NDST1: variants seen among roughly 807,000 people sequenced by gnomAD.
NDST1 encodes bifunctional heparan sulfate N-deacetylase/N-sulfotransferase 1.
NDST1 carries 35 observed loss-of-function variants against 92.8 expected under a neutral mutation model. The ratio of observed to expected loss-of-function variants is 0.38; its 90% confidence interval spans 0.29 to 0.50. The LOEUF is 0.50. Ranked by LOEUF, NDST1 falls within the 20% of genes least tolerant of loss-of-function variation. The pLI is 0.94. For missense variants in NDST1, 822 were observed against 1,182.7 expected (o/e 0.69, Z 4.47); for synonymous variants, 493 against 500.3 (o/e 0.99, Z 0.19).
intron 1 of NDST1, among the ~76,000 whole-genome samples, chr5:150,516,194 G>A (rs1337890505): frequency 2.0e-5 from 3 of 152,322 alleles, no homozygotes; most frequent in Non-Finnish European, 2.9e-5. Context: ...ATAAGTGTGT[G>A]TGGTGCCTGC....
chr5:150,542,980 G>A lies in NDST1; in HGVS notation c.1970+9G>A. The A allele has an allele frequency of 6.2e-7, 1 of 1,613,878 alleles. No individual in the cohort carries two copies. The highest frequency in any genetic ancestry group is 8.5e-7 in the Non-Finnish European group (1 of 1,179,800). ...CACAAAGGCATCGACTGGTGAGTTG[G>A]CCTTTCTGTCCACAGCGGGACGGGA... is the stretch of plus-strand genomic sequence containing the variant. On this transcript the variant is annotated intron_variant, in intron 10 of 14. Transcript: ENST00000261797.
At chr5:150,519,717 C>T (rs771153978) in intron 1 of NDST1, among the ~76,000 whole-genome samples, 12 of 151,968 alleles carry the variant, frequency 7.9e-5, no homozygotes, top group Non-Finnish European at 1.2e-4. Context: ...AAGAAAGTTG[C>T]TCCTTGGGTT....
intron 9 of NDST1, 61 bp from the exon 10 acceptor site, chr5:150,542,787 C>T: frequency 6.2e-7 from 1 of 1,612,700 alleles, no homozygotes; most frequent in Non-Finnish European, 8.5e-7. Context: ...GCCCAGAACC[C>T]AGACTCTATC....
chr5:150,545,762 G>A (rs567806265), intron 11 of NDST1, among the ~76,000 whole-genome samples: 4 of 152,314 alleles, frequency 2.6e-5, no homozygotes, highest in East Asian at 1.9e-4. Context: ...GGCTGGTTAC[G>A]CCTAGAGGAA....
intron 1 of NDST1, among the ~76,000 whole-genome samples, chr5:150,500,966 A>G (rs568014816): frequency 2.6e-5 from 4 of 152,192 alleles, no homozygotes; most frequent in Non-Finnish European, 4.4e-5. Flanking sequence ...TGGGACAATC[A>G]TCTGATTGTC....
chr5:150,535,795 G>T lies in NDST1; in HGVS notation c.1347G>T (p.Gln449His). ...TGCAGCTGTACGAGGCTTGGAAGCAGGTGTGGAGCATCCGCGTGACCAGCA... is the reference window on the plus strand; with the variant it reads ...TGCAGCTGTACGAGGCTTGGAAGCATGTGTGGAGCATCCGCGTGACCAGCA... ...VHVQLYEAWK[Q>H]VWSIRVTSTE... The change falls in exon 6 of 15, where the codon CAG becomes CAT. Residue 449 changes from glutamine to histidine, a missense_variant. Transcript: ENST00000261797. 1 of 1,614,192 alleles carries T rather than the reference G, an allele frequency of 6.2e-7. No individual in the cohort carries two copies. Among genetic ancestry groups the T allele is most frequent in the East Asian group, 2.2e-5 (1 of 44,876 alleles).
Position 150,551,779 on chromosome 5 carries a change from G to A in NDST1, c.2453G>A (p.Cys818Tyr). The change falls in exon 14 of 15, where the codon TGC becomes TAC. Residue 818 changes from cysteine to tyrosine, a missense_variant. Transcript: ENST00000261797. ...TTTGATCCAAAGAAAGGATTTTGGT[G>A]CCAACTGCTTGAAGGAGGAAAAACC... ...LAFDPKKGFW[C>Y]QLLEGGKTKC... 6.2e-7 allele frequency: 1 copy of A among 1,613,506 alleles called. No homozygotes were observed. Among genetic ancestry groups the A allele is most frequent in the Non-Finnish European group, 8.5e-7 (1 of 1,179,528 alleles).
intron 3 of NDST1, among the ~76,000 whole-genome samples, chr5:150,532,689 G>C (rs1754800463): frequency 6.6e-6 from 1 of 152,106 alleles, no homozygotes; most frequent in Admixed American, 6.5e-5. Context: ...ACCATGCCCG[G>C]CTAATTTTTG....
chr5:150,552,932 C>T (rs969651242), intron 14 of NDST1, among the ~76,000 whole-genome samples: 9 of 152,132 alleles, frequency 5.9e-5, no homozygotes, highest in Admixed American at 1.3e-4. Context: ...CTGCAACCTC[C>T]GCTTTCCGGG....
chr5:150,556,935 A>G lies in NDST1; in HGVS notation c.*3603A>G, dbSNP rs540005272. 2.0e-5 allele frequency: 3 copies of G among 152,774 alleles called. No homozygotes were observed. The highest frequency in any genetic ancestry group is 7.2e-5 in the African/African-American group (3 of 41,570). The allele number at this position is 152,774 out of a possible 1,614,324, so 9.5% of individuals were successfully genotyped here. ...TCAGCTCACTTTGAGTTTTTAAATGACATTGTTTTTGAGGCCCTAGGCCTG... is the reference window on the plus strand; with the variant it reads ...TCAGCTCACTTTGAGTTTTTAAATGGCATTGTTTTTGAGGCCCTAGGCCTG... On this transcript the variant is annotated 3_prime_UTR_variant, in exon 15 of 15. Transcript: ENST00000261797.
chr5:150,513,735 T>C (rs775411323), intron 1 of NDST1, among the ~76,000 whole-genome samples: 5 of 152,224 alleles, frequency 3.3e-5, no homozygotes, highest in Non-Finnish European at 7.3e-5. Flanking sequence ...CACCCATTCA[T>C]CACAGGCCCA....
chr5:150,541,449 G>A (rs1581399861), intron 8 of NDST1, 121 bp from the exon 9 acceptor site: 1 of 848,316 alleles, frequency 1.2e-6, no homozygotes, highest in East Asian at 2.6e-5. Context: ...ATGTGACAAG[G>A]ACACATGTAG....
chr5:150,535,555 C>A, intron 5 of NDST1, 145 bp from the exon 6 acceptor site: 1 of 1,209,922 alleles, frequency 8.3e-7, no homozygotes, highest in Admixed American at 2.0e-5. Context: ...TCCCAGGCCT[C>A]AGCTTCCCAT....
In NDST1 at chr5:150,542,835, A is replaced by G. The variant is rs1324810580; in HGVS notation, c.1847-13A>G. 2 of 1,613,776 alleles carry G rather than the reference A, an allele frequency of 1.2e-6. No homozygotes were observed. The highest frequency in any genetic ancestry group is 2.2e-5 in the East Asian group (1 of 44,868). ...GCTGGGCCCTGGGTCTCAGGTGTCT[A>G]CCCTCCCCACAGGCACCACTGCCCT... On this transcript the variant is annotated splice_polypyrimidine_tract_variant and intron_variant, in intron 9 of 14. Transcript: ENST00000261797.
chr5:150,498,295 A>G (rs1212202327), intron 1 of NDST1: 1 of 152,284 alleles, frequency 6.6e-6, no homozygotes, highest in Admixed American at 6.5e-5. Context: ...TATTTATCTC[A>G]TGGTGTTATA....
At chr5:150,545,982 C>T (rs1285079244) in intron 11 of NDST1, among the ~76,000 whole-genome samples, 1 of 147,734 alleles carries the variant, frequency 6.8e-6, no homozygotes, top group African/African-American at 2.5e-5. Flanking sequence ...ATGTATGAAC[C>T]AGAGCTGTCT....
At chr5:150,513,293 C>G (rs951870483) in intron 1 of NDST1, among the ~76,000 whole-genome samples, 12 of 151,804 alleles carry the variant, frequency 7.9e-5, no homozygotes, top group African/African-American at 2.9e-4. Flanking sequence ...GAGTTCGAGA[C>G]CAGCCTGGGC....
chr5:150,542,324 G>A (rs956310767), intron 9 of NDST1, among the ~76,000 whole-genome samples: 7 of 151,572 alleles, frequency 4.6e-5, no homozygotes, highest in African/African-American at 1.7e-4. Context: ...AACTCACTGA[G>A]GAGGAGGTAG....
Position 150,551,721 on chromosome 5 carries a change from GCTCCCATCCAAAGACTTTCCCAC to G in NDST1, c.2427-27_2427-5del. On this transcript the variant is annotated splice_polypyrimidine_tract_variant and intron_variant, in intron 13 of 14. Coordinates refer to ENST00000261797, the MANE Select transcript of NDST1 (RefSeq NM_001543.5). Reference sequence around the variant, plus strand: ...AGGTCGGAAGTGGGTGGCTGAGCCAGCTCCCATCCAAAGACTTTCCCACCTCCACAGGTTTGATCCAAAGAAAG... The same window carrying G: ...AGGTCGGAAGTGGGTGGCTGAGCCAGCTCCACAGGTTTGATCCAAAGAAAG... 1 of 1,609,034 alleles carries G rather than the reference GCTCCCATCCAAAGACTTTCCCAC, an allele frequency of 6.2e-7. No individual in the cohort carries two copies.
Sources: allele counts gnomAD v4.1 joint callset (sites outside exome capture counted in the v4.1 genomes callset), GRCh38; gene constraint gnomAD v4.1.1; transcripts MANE v1.5; gene names NCBI Gene and HGNC (gene_info 2026-07-23, HGNC 2026-07-21).